RBFOX1: variants seen among roughly 807,000 people sequenced by gnomAD.
The protein encoded by RBFOX1 is RNA binding fox-1 homolog 1, also known as RNA binding protein fox-1 homolog 1.
Under a neutral mutation model 57.7 loss-of-function variants are expected in RBFOX1, and 8 were observed. The observed-to-expected ratio is 0.14, with a 90% CI of 0.08 to 0.25. The LOEUF is 0.25. Ranked by LOEUF, RBFOX1 falls within the 10% of genes least tolerant of loss-of-function variation. The pLI is 1.00. For missense variants in RBFOX1, 611 were observed against 548.5 expected, an observed-to-expected ratio of 1.11 and a Z score of -1.14; for synonymous variants, 326 against 222.4, an observed-to-expected ratio of 1.47 and a Z score of -4.15.
At chr16:6,864,989 C>CTTTTTTTTTTT (rs1555544471) in intron 3 of RBFOX1, among the ~76,000 whole-genome samples, 5 of 105,800 alleles carry the variant, frequency 4.7e-5, no homozygotes, top group African/African-American at 1.9e-4. Flanking sequence ...GTGGGTTTTT[C>CTTTTTTTTTTT]TTTTTCTTTT....
At chr16:7,469,003 G>T (rs1219728478) in intron 4 of RBFOX1, among the ~76,000 whole-genome samples, 1 of 151,682 alleles carries the variant, frequency 6.6e-6, no homozygotes, top group East Asian at 1.9e-4. Flanking sequence ...TTGCCATCTC[G>T]GCTCGCTGCA....
At chr16:7,477,992 T>A (rs1490060547) in intron 4 of RBFOX1, among the ~76,000 whole-genome samples, 1 of 152,220 alleles carries the variant, frequency 6.6e-6, no homozygotes. Context: ...AGTATATAAT[T>A]TGAATTCCTC....
intron 12 of RBFOX1, among the ~76,000 whole-genome samples, chr16:7,656,940 T>A (rs933402233): frequency 6.6e-6 from 1 of 152,130 alleles, no homozygotes; most frequent in African/African-American, 2.4e-5. Flanking sequence ...TGAAATCTTA[T>A]CCTGTGACCC....
intron 2 of RBFOX1, among the ~76,000 whole-genome samples, chr16:5,550,674 A>G (rs1159445626): frequency 2.6e-5 from 4 of 152,294 alleles, no homozygotes; most frequent in South Asian, 2.1e-4. Context: ...TTAGCAAATA[A>G]AGCAGACAAA....
chr16:7,499,970 C>T (rs1436202327), intron 4 of RBFOX1, among the ~76,000 whole-genome samples: 2 of 152,128 alleles, frequency 1.3e-5, no homozygotes, highest in Non-Finnish European at 1.5e-5. Flanking sequence ...TTCCATATTT[C>T]CAAAAACCCC....
At chr16:6,142,992 C>G (rs2096730482) in intron 1 of RBFOX1, among the ~76,000 whole-genome samples, 1 of 152,138 alleles carries the variant, frequency 6.6e-6, no homozygotes, top group African/African-American at 2.4e-5. Context: ...AGCTCCTGAG[C>G]AAGGTAATAG....
chr16:6,380,870 C>G (rs964198152), intron 2 of RBFOX1, among the ~76,000 whole-genome samples: 1 of 152,210 alleles, frequency 6.6e-6, no homozygotes, highest in African/African-American at 2.4e-5. Flanking sequence ...CCGTTGCCAA[C>G]ATAGGCCATT....
At chr16:7,533,257 T>G (rs1248921732) in intron 5 of RBFOX1, among the ~76,000 whole-genome samples, 1 of 152,212 alleles carries the variant, frequency 6.6e-6, no homozygotes, top group Non-Finnish European at 1.5e-5. Context: ...AAAAATTCTT[T>G]CCATCAAACT....
At chr16:6,390,501 A>T (rs1485392203) in intron 2 of RBFOX1, among the ~76,000 whole-genome samples, 2 of 152,198 alleles carry the variant, frequency 1.3e-5, no homozygotes, top group Non-Finnish European at 2.9e-5. Flanking sequence ...TAGAGAACAA[A>T]AAACAGAGAA....
chr16:7,695,591 G>A (rs1036741430), intron 14 of RBFOX1, among the ~76,000 whole-genome samples: 1 of 146,638 alleles, frequency 6.8e-6, no homozygotes, highest in South Asian at 2.2e-4. Context: ...GGCGGAGGTT[G>A]CAGTGAGCAG....
intron 1 of RBFOX1, among the ~76,000 whole-genome samples, chr16:6,300,134 A>T (rs961995468): frequency 6.6e-6 from 1 of 152,198 alleles, no homozygotes; most frequent in Admixed American, 6.5e-5. Flanking sequence ...GAGGAATCTA[A>T]AAAAGTCAAA....
intron 3 of RBFOX1, among the ~76,000 whole-genome samples, chr16:5,722,617 C>T (rs543715366): frequency 2.0e-5 from 3 of 152,238 alleles, no homozygotes; most frequent in Non-Finnish European, 2.9e-5. Flanking sequence ...TAAGTCCCCA[C>T]GGTGGCATTA....
At chr16:6,799,072 C>G (rs1049978389) in intron 3 of RBFOX1, among the ~76,000 whole-genome samples, 1 of 151,998 alleles carries the variant, frequency 6.6e-6, no homozygotes, top group Non-Finnish European at 1.5e-5. Flanking sequence ...AGCTTATAAT[C>G]TAGGATGTGT....
In RBFOX1 at chr16:5,389,421, A is replaced by G. The variant is rs188501573; in HGVS notation, c.220-77795A>G. On this transcript the variant is annotated intron_variant, in intron 1 of 2. Coordinates refer to the RBFOX1 transcript ENST00000585867. The stretch of plus-strand genomic sequence containing the variant: ...ATGTTGAGCAGCAACCCTGGCCTCC[A>G]ACCACTTGATGCAAATAGCGCTTCC... 1.5e-3 allele frequency among the ~76,000 whole-genome samples: 226 copies of G among 152,148 alleles called. 1 individual carries two copies. The highest frequency in any genetic ancestry group is 5.3e-3 in the African/African-American group (221 of 41,524).
At chr16:6,979,171 T>C (rs1368895229) in intron 3 of RBFOX1, among the ~76,000 whole-genome samples, 2 of 152,214 alleles carry the variant, frequency 1.3e-5, no homozygotes, top group African/African-American at 4.8e-5. Flanking sequence ...GTGTTGATAG[T>C]ATTCAGGAAG....
intron 4 of RBFOX1, among the ~76,000 whole-genome samples, chr16:7,215,662 C>T (rs1057024920): frequency 6.6e-6 from 1 of 151,894 alleles, no homozygotes; most frequent in Admixed American, 6.6e-5. Flanking sequence ...TTTCTTCCCC[C>T]AGTTCCCCAA....
At chr16:7,636,108 C>G (rs1290521551) in intron 11 of RBFOX1, among the ~76,000 whole-genome samples, 1 of 152,230 alleles carries the variant, frequency 6.6e-6, no homozygotes, top group East Asian at 1.9e-4. Context: ...CTGCGCCCAG[C>G]CCAAGCTACC....
At chr16:5,512,962 C>A (rs1292548436) in intron 2 of RBFOX1, among the ~76,000 whole-genome samples, 1 of 152,156 alleles carries the variant, frequency 6.6e-6, no homozygotes, top group Non-Finnish European at 1.5e-5. Flanking sequence ...GTCAACCAGG[C>A]AGGAGTGCAA....
intron 4 of RBFOX1, among the ~76,000 whole-genome samples, chr16:7,496,877 A>G (rs1266092821): frequency 1.3e-5 from 2 of 152,198 alleles, no homozygotes; most frequent in African/African-American, 2.4e-5. Flanking sequence ...TAGACACAGA[A>G]TGGACTGAAA....
Sources: gnomAD v4.1 joint callset for allele counts (sites outside exome capture counted in the v4.1 genomes callset) on GRCh38, gnomAD v4.1.1 for gene constraint, MANE v1.5 for transcripts, NCBI Gene and HGNC (gene_info 2026-07-23, HGNC 2026-07-21) for gene names.